KDM4B: variants seen among roughly 807,000 people sequenced by gnomAD.
KDM4B encodes the protein lysine-specific demethylase 4B.
In KDM4B, 32 loss-of-function variants were observed where a neutral mutation model predicts 125.2. The observed-to-expected ratio is 0.26, with a 90% CI of 0.19 to 0.34. KDM4B has a LOEUF of 0.34. Ranked by LOEUF, KDM4B falls within the 10% of genes least tolerant of loss-of-function variation. The pLI is 1.00. For missense variants in KDM4B, 1,190 were observed against 1,577.7 expected, an observed-to-expected ratio of 0.75 and a Z score of 4.16; for synonymous variants, 721 against 677.9, an observed-to-expected ratio of 1.06 and a Z score of -0.99.
chr19:5,003,596 G>A (rs544344210), intron 1 of KDM4B, among the ~76,000 whole-genome samples: 1 of 152,156 alleles, frequency 6.6e-6, no homozygotes, highest in Admixed American at 6.5e-5. Context: ...ATCCCTAGAG[G>A]TCAGGAATTT....
Position 5,016,300 on chromosome 19 carries a change from T to G in KDM4B, c.-65T>G, listed in dbSNP as rs1317474241. On this transcript the variant is annotated 5_prime_UTR_variant, in exon 2 of 23. Coordinates refer to ENST00000159111, the MANE Select transcript of KDM4B (RefSeq NM_015015.3). ...GAGGCACCTGACAAATCCTAGCGAA[T>G]TTTTGGAGCATCTCCACCCAGGAAC... 1 of 152,208 alleles carries G rather than the reference T, an allele frequency of 6.6e-6. No homozygotes were observed. Among genetic ancestry groups the G allele is most frequent in the Non-Finnish European group, 1.5e-5 (1 of 68,032 alleles). 9.4% of individuals were successfully genotyped at this position (152,208 alleles called of 1,614,324 possible). A position where few individuals can be genotyped will look rare whatever the true frequency, so the allele number is the denominator to read the frequency against.
At chr19:5,059,545 G>A (rs773557255) in intron 6 of KDM4B, among the ~76,000 whole-genome samples, 5 of 152,236 alleles carry the variant, frequency 3.3e-5, no homozygotes, top group African/African-American at 4.8e-5. Flanking sequence ...GCCTCTGCCC[G>A]TGGTGGGCAC....
At chr19:4,987,030 C>G (rs181113603) in intron 1 of KDM4B, among the ~76,000 whole-genome samples, 239 of 152,110 alleles carry the variant, frequency 1.6e-3, no homozygotes, top group Non-Finnish European at 3.0e-3. Flanking sequence ...AATCTCTCGG[C>G]TCACTGCAAC....
chr19:5,052,817 G>A (rs2037273744), intron 6 of KDM4B, among the ~76,000 whole-genome samples: 1 of 152,252 alleles, frequency 6.6e-6, no homozygotes, highest in Admixed American at 6.5e-5. Flanking sequence ...GGACCCTGGT[G>A]TGGGTTTGTA....
chr19:4,973,844 A>T (rs867967802), intron 1 of KDM4B, among the ~76,000 whole-genome samples: 1 of 151,124 alleles, frequency 6.6e-6, no homozygotes, highest in Non-Finnish European at 1.5e-5. Flanking sequence ...AAAAAAAAAA[A>T]ACTGGCTGGG....
chr19:5,097,106 C>T (rs1024268220), intron 9 of KDM4B, among the ~76,000 whole-genome samples: 2 of 151,976 alleles, frequency 1.3e-5, no homozygotes, highest in African/African-American at 2.4e-5. Context: ...TGCCTGTTCA[C>T]GAAGAAGAGT....
chr19:5,151,434 T>C lies in KDM4B; in HGVS notation c.3214T>C (p.Ser1072Pro), dbSNP rs770260495. The C allele has an allele frequency of 2.6e-6, 4 of 1,561,496 alleles. No individual in the cohort carries two copies. Among genetic ancestry groups the C allele is most frequent in the Non-Finnish European group, 3.5e-6 (4 of 1,156,574 alleles). The change falls in exon 23 of 23, where the codon TCC (serine) becomes CCC (proline). Residue 1072 changes from serine to proline, a missense_variant. This residue lies in a region of KDM4B where 109 missense variants were observed against 93.8 expected (regional missense o/e 1.16). Coordinates refer to ENST00000159111, the MANE Select transcript of KDM4B (RefSeq NM_015015.3). ...RVGTPLATED[S>P]GRSQDYVAFV... is the part of the protein sequence containing the mutation. ...GGGCACCCCGCTTGCCACGGAGGACTCCGGGCGGAGCCAGGACTACGTGGC... is the reference window on the plus strand; with the variant it reads ...GGGCACCCCGCTTGCCACGGAGGACCCCGGGCGGAGCCAGGACTACGTGGC...
At chr19:5,016,049 C>T (rs2035883582) in intron 1 of KDM4B, among the ~76,000 whole-genome samples, 1 of 152,178 alleles carries the variant, frequency 6.6e-6, no homozygotes, top group African/African-American at 2.4e-5. Context: ...AGGAGCTAAG[C>T]TTAAAATGGG....
chr19:4,971,550 G>A lies in KDM4B; in HGVS notation c.-109+2320G>A, dbSNP rs17364488. 7.9e-3 allele frequency among the ~76,000 whole-genome samples: 1,202 copies of A among 152,318 alleles called. 9 individuals are homozygous for A. The highest frequency in any genetic ancestry group is 0.014 in the Non-Finnish European group (956 of 68,030). On this transcript the variant is annotated intron_variant, in intron 1 of 22. Coordinates refer to ENST00000159111, the MANE Select transcript of KDM4B (RefSeq NM_015015.3). The surrounding 1 kb of genome is among the most constrained non-coding windows in gnomAD (Gnocchi z 4.1). ...GACACCTGTGGGGACGTGCCTTGGGGTCATGCGTTCACCTGGTCTGGGGCT... is the reference window on the plus strand; with the variant it reads ...GACACCTGTGGGGACGTGCCTTGGGATCATGCGTTCACCTGGTCTGGGGCT...
At chr19:5,096,464 C>T (rs923372302) in intron 9 of KDM4B, among the ~76,000 whole-genome samples, 4 of 152,120 alleles carry the variant, frequency 2.6e-5, no homozygotes, top group South Asian at 2.1e-4. Flanking sequence ...ATGGGGAGCA[C>T]GGTCCCAGGT....
chr19:5,022,968 C>G (rs1449158389), intron 2 of KDM4B, among the ~76,000 whole-genome samples: 2 of 152,086 alleles, frequency 1.3e-5, no homozygotes, highest in Non-Finnish European at 2.9e-5. Context: ...ATGATGGTCC[C>G]CATGGATGTC....
At chr19:4,989,913 C>T (rs986602970) in intron 1 of KDM4B, among the ~76,000 whole-genome samples, 4 of 152,194 alleles carry the variant, frequency 2.6e-5, no homozygotes, top group East Asian at 3.9e-4. Flanking sequence ...TCGGCCTCTC[C>T]GAGTGCTGGG....
intron 5 of KDM4B, among the ~76,000 whole-genome samples, chr19:5,042,787 A>G (rs2036864873): frequency 6.6e-6 from 1 of 151,704 alleles, no homozygotes; most frequent in East Asian, 2.0e-4. Flanking sequence ...GACATGAGCA[A>G]TCCACCCACG....
At chr19:5,048,601 GA>G (rs11339046) in intron 6 of KDM4B, among the ~76,000 whole-genome samples, 26,319 of 148,110 alleles carry the variant, frequency 0.18, 2,227 homozygotes, top group Middle Eastern at 0.23. Context: ...TAAGCGGGGA[GA>G]GGGGGGGGCG....
chr19:5,040,953 G>A (rs891926361), intron 4 of KDM4B, among the ~76,000 whole-genome samples, 184 bp from the exon 5 acceptor site: 2 of 152,196 alleles, frequency 1.3e-5, no homozygotes, highest in East Asian at 1.9e-4. Context: ...GCCACTGCTC[G>A]CCCGTGGAAG....
At chr19:5,041,512 G>A (rs1228834360) in intron 5 of KDM4B, among the ~76,000 whole-genome samples, 1 of 152,176 alleles carries the variant, frequency 6.6e-6, no homozygotes, top group Non-Finnish European at 1.5e-5. Context: ...GGCCTCAGCA[G>A]CCGGCCCACA....
intron 7 of KDM4B, among the ~76,000 whole-genome samples, chr19:5,072,155 G>C (rs183712392): frequency 6.6e-6 from 1 of 152,116 alleles, no homozygotes; most frequent in African/African-American, 2.4e-5. Context: ...CCAAACCTTC[G>C]AGCCAAAGGA....
At chr19:5,063,113 G>A (rs1014252415) in intron 6 of KDM4B, among the ~76,000 whole-genome samples, 3 of 152,104 alleles carry the variant, frequency 2.0e-5, no homozygotes, top group Non-Finnish European at 4.4e-5. Context: ...GAAGGTGGTA[G>A]TGGGAGAGTC....
rs1439685001 is a variant in KDM4B at position 4,971,066 on chromosome 19, C to CG, written c.-109+1839dup. Among the ~76,000 whole-genome samples the CG allele has an allele frequency of 6.6e-6, 1 of 152,154 alleles. No individual in the cohort carries two copies. Among genetic ancestry groups the CG allele is most frequent in the Non-Finnish European group, 1.5e-5 (1 of 68,034 alleles). ...GAAGCGTCTACTGTGTCAGGAGCTG[C>CG]GGGTGCCTGCGTGTGCACGTGTGTG... On this transcript the variant is annotated intron_variant, in intron 1 of 22. Coordinates refer to ENST00000159111, the MANE Select transcript of KDM4B (RefSeq NM_015015.3). This position sits in a 1 kb window ranked among gnomAD's most constrained non-coding sequence, Gnocchi z 4.1.
Sources: allele counts gnomAD v4.1 joint callset (sites outside exome capture counted in the v4.1 genomes callset), GRCh38; gene constraint gnomAD v4.1.1; regional missense constraint gnomAD v4.1.1; non-coding constraint Gnocchi (gnomAD v3.1); transcripts MANE v1.5; gene names NCBI Gene and HGNC (gene_info 2026-07-23, HGNC 2026-07-21).